TAF15: variants seen among roughly 807,000 people sequenced by gnomAD.
TAF15 encodes TATA-box binding protein associated factor 15.
Under a neutral mutation model 102.5 loss-of-function variants are expected in TAF15, and 37 were observed. The observed-to-expected ratio is 0.36, with a 90% CI of 0.28 to 0.47. The LOEUF (loss-of-function observed/expected upper bound fraction) is 0.47. Ranked by LOEUF, TAF15 falls within the 20% of genes least tolerant of loss-of-function variation. The probability of loss-of-function intolerance (pLI) is 0.99; values close to 1 mark genes in which losing one functional copy is unlikely to be tolerated. For missense variants in TAF15, 652 were observed against 760.7 expected, an observed-to-expected ratio of 0.86 and a Z score of 1.68; for synonymous variants, 273 against 259.2, an observed-to-expected ratio of 1.05 and a Z score of -0.51.
intron 12 of TAF15, 71 bp from the exon 13 acceptor site, chr17:35,844,006 T>C: frequency 1.5e-6 from 2 of 1,340,280 alleles, no homozygotes; most frequent in Non-Finnish European, 1.1e-6. Context: ...TACTCTTATG[T>C]TATCTGATGC....
chr17:35,830,671 C>T (rs1000632746), intron 7 of TAF15, among the ~76,000 whole-genome samples: 2 of 152,234 alleles, frequency 1.3e-5, no homozygotes, highest in South Asian at 2.1e-4. Flanking sequence ...ATGATTGAAA[C>T]GTTTGAACTT....
At chr17:35,838,632 G>C in intron 11 of TAF15, 79 bp downstream of exon 11, 1 of 1,597,968 alleles carries the variant, frequency 6.3e-7, no homozygotes, top group African/African-American at 1.3e-5. Context: ...TGCTCTGGGT[G>C]ACAGTGATTA....
At chr17:35,817,204 G>C (rs2087206232) in intron 1 of TAF15, 1 of 153,318 alleles carries the variant, frequency 6.5e-6, no homozygotes, top group East Asian at 1.9e-4. Context: ...AATCAGAATA[G>C]AGCAACTAAC....
At chr17:35,813,584 T>C (rs983352299) in intron 1 of TAF15, among the ~76,000 whole-genome samples, 1 of 151,140 alleles carries the variant, frequency 6.6e-6, no homozygotes, top group African/African-American at 2.4e-5. Flanking sequence ...TACAGTGAGC[T>C]GTGATTGTCC....
At position 35,828,912 on chromosome 17, in the gene TAF15, G is replaced by A. The variant is rs187713557; in HGVS notation, c.605+4714G>A. Among the ~76,000 whole-genome samples, 5 of 152,254 alleles carry A rather than the reference G, an allele frequency of 3.3e-5. No homozygotes were observed. The East Asian group carries it at 7.7e-4, about 23-fold the overall frequency. ...CCAGTGCTCAACAGGCCACATGTAG[G>A]TAGTGGATACTGTATTGGACAGTGC... On this transcript the variant is annotated intron_variant, in intron 7 of 15. Coordinates refer to ENST00000605844, the MANE Select transcript of TAF15 (RefSeq NM_139215.3).
intron 10 of TAF15, among the ~76,000 whole-genome samples, chr17:35,836,976 G>T (rs1481559130): frequency 6.6e-6 from 1 of 152,040 alleles, no homozygotes; most frequent in African/African-American, 2.4e-5. Context: ...GTTTCACTGT[G>T]TTGGCCAGGA....
At position 35,842,401 on chromosome 17, in the gene TAF15, C is replaced by G. The variant is rs768377048; in HGVS notation, c.948C>G (p.Ser316=). 2.4e-5 allele frequency: 38 copies of G among 1,613,924 alleles called. No individual in the cohort carries two copies. Among genetic ancestry groups the G allele is most frequent in the Non-Finnish European group, 3.1e-5 (36 of 1,179,988 alleles). ...KEFHGNIIKV[S]FATRRPEFMR... is the part of the protein sequence containing the mutation. ...TCCATGGCAACATCATTAAAGTGTC[C>G]TTTGCCACTAGAAGACCTGAATTCA... Residue 316 remains serine, a synonymous_variant, in exon 12 of 16, where the codon TCC becomes TCG. Coordinates refer to ENST00000605844, the MANE Select transcript of TAF15 (RefSeq NM_139215.3).
chr17:35,846,391 A>G (rs1213048861), intron 15 of TAF15, among the ~76,000 whole-genome samples: 1 of 152,224 alleles, frequency 6.6e-6, no homozygotes, highest in African/African-American at 2.4e-5. Flanking sequence ...TGAGTAACCT[A>G]ATTACCATCT....
At chr17:35,809,782 G>A (rs539493761) in intron 1 of TAF15, 1 of 662,866 alleles carries the variant, frequency 1.5e-6, no homozygotes, top group African/African-American at 1.8e-5. Context: ...CGGCGGGAGC[G>A]CCTCGGGCCT....
intron 7 of TAF15, among the ~76,000 whole-genome samples, chr17:35,832,794 G>C (rs1409853693): frequency 2.0e-5 from 3 of 152,146 alleles, no homozygotes; most frequent in Non-Finnish European, 4.4e-5. Flanking sequence ...CTTGATAAGA[G>C]AGACCTTAGA....
chr17:35,809,807 C>T (rs1306005509), intron 1 of TAF15: 4 of 619,158 alleles, frequency 6.5e-6, no homozygotes, highest in African/African-American at 1.8e-5. Context: ...TCTTTTGACC[C>T]TGTCCTTGGA....
At chr17:35,846,883 G>A (rs756712474) in intron 15 of TAF15, 23 bp from the exon 16 acceptor site, 37 of 1,613,834 alleles carry the variant, frequency 2.3e-5, no homozygotes, top group African/African-American at 1.1e-4. Flanking sequence ...AATTTAGTCC[G>A]GCTCTTTATT....
Position 35,822,851 on chromosome 17 carries a change from C to T in TAF15, c.484+18C>T. The T allele has an allele frequency of 6.2e-7, 1 of 1,612,450 alleles. No homozygotes were observed. Among genetic ancestry groups the T allele is most frequent in the Admixed American group, 1.7e-5 (1 of 60,028 alleles). On this transcript the variant is annotated intron_variant, in intron 6 of 15. Coordinates refer to ENST00000605844, the MANE Select transcript of TAF15 (RefSeq NM_139215.3). ...CACACAAGGTAAGATTTACTGACCT[C>T]TATTATTATTTTTCCCCCTCTCAGA...
At chr17:35,828,636 T>G (rs1201410248) in intron 7 of TAF15, among the ~76,000 whole-genome samples, 2 of 151,908 alleles carry the variant, frequency 1.3e-5, no homozygotes, top group African/African-American at 4.8e-5. Flanking sequence ...GAAGCTGAGG[T>G]AGGAGGATTG....
intron 11 of TAF15, among the ~76,000 whole-genome samples, chr17:35,840,761 G>A (rs967412226): frequency 6.6e-6 from 1 of 151,974 alleles, no homozygotes; most frequent in African/African-American, 2.4e-5. Flanking sequence ...CTACTCAGGA[G>A]GCTGAGGCAG....
chr17:35,844,544 AGGCGGCTATGGTGGAGACAGAAGTGGG>A lies in TAF15; in HGVS notation c.1248_1274del (p.Gly424_Ser432del), dbSNP rs1568282395. 1.2e-6 allele frequency: 2 copies of A among 1,602,346 alleles called. No individual in the cohort carries two copies. The highest frequency in any genetic ancestry group is 2.2e-5 in the South Asian group (2 of 90,518). ...GTCGTGGGGGCAGAGGTGGAGACCG[AGGCGGCTATGGTGGAGACAGAAGTGGG>A]GGTGGCTATGGTGGAGACAGAAGCA... On this transcript the variant is annotated inframe_deletion, in exon 15 of 16. Coordinates refer to ENST00000605844, the MANE Select transcript of TAF15 (RefSeq NM_139215.3).
At chr17:35,817,834 G>T (rs1159158023) in intron 2 of TAF15, 79 bp downstream of exon 2, 13 of 1,221,678 alleles carry the variant, frequency 1.1e-5, no homozygotes, top group Non-Finnish European at 1.5e-5. Flanking sequence ...CTTGAGACTT[G>T]ATGCTGGATG....
intron 15 of TAF15, 139 bp downstream of exon 15, chr17:35,845,177 C>T (rs2087609417): frequency 9.1e-7 from 1 of 1,104,282 alleles, no homozygotes; most frequent in Admixed American, 2.5e-5. Context: ...GATTTAGTTT[C>T]CTGCTTAGCA....
chr17:35,812,850 G>A (rs76610863), intron 1 of TAF15, among the ~76,000 whole-genome samples: 6,787 of 152,016 alleles, frequency 0.045, 223 homozygotes, highest in Admixed American at 0.082. Flanking sequence ...AAGGTTGGCC[G>A]GGTGCGGTGG....
Sources: allele counts gnomAD v4.1 joint callset (sites outside exome capture counted in the v4.1 genomes callset), GRCh38; gene constraint gnomAD v4.1.1; transcripts MANE v1.5; gene names NCBI Gene and HGNC (gene_info 2026-07-23, HGNC 2026-07-21).